Variants in MFHAS1 observed in about 807,000 individuals in gnomAD.
The protein encoded by MFHAS1 is multifunctional ROCO family signaling regulator 1.
Under a neutral mutation model 70.4 loss-of-function variants are expected in MFHAS1, and 50 were observed. The observed-to-expected ratio is 0.71, with a 90% CI of 0.57 to 0.90. The LOEUF is 0.90. Among genes scored for constraint, MFHAS1 ranks in the 40% least tolerant of loss-of-function variants. The pLI is 0.00. For missense variants in MFHAS1, 1,795 were observed against 1,347.6 expected (o/e 1.33, Z -5.20); for synonymous variants, 952 against 620.0 (o/e 1.54, Z -7.96).
intron 2 of MFHAS1, among the ~76,000 whole-genome samples, chr8:8,788,946 C>A (rs1437217784): frequency 6.6e-6 from 1 of 152,090 alleles, no homozygotes; most frequent in Non-Finnish European, 1.5e-5. Flanking sequence ...TTGTGAGCCA[C>A]GGCCAGGAGT....
At chr8:8,821,082 A>G (rs759857583) in intron 1 of MFHAS1, among the ~76,000 whole-genome samples, 5 of 152,102 alleles carry the variant, frequency 3.3e-5, no homozygotes, top group Admixed American at 6.5e-5. Context: ...AGTTCCACAT[A>G]TCTTCCCCCT....
chr8:8,812,630 G>T (rs1806591451), intron 1 of MFHAS1, among the ~76,000 whole-genome samples: 1 of 152,120 alleles, frequency 6.6e-6, no homozygotes, highest in African/African-American at 2.4e-5. Context: ...AAATGAATAT[G>T]GTTCCTGTGA....
intron 1 of MFHAS1, among the ~76,000 whole-genome samples, chr8:8,872,390 G>A (rs10098667): frequency 0.13 from 20,535 of 152,120 alleles, 1,926 homozygotes; most frequent in African/African-American, 0.25. Flanking sequence ...CTGTAAAAGG[G>A]GACGGCAGGA....
chr8:8,827,114 G>C (rs991240236), intron 1 of MFHAS1, among the ~76,000 whole-genome samples: 1 of 152,014 alleles, frequency 6.6e-6, no homozygotes, highest in African/African-American at 2.4e-5. Context: ...TTTCCATTTA[G>C]TATCCTGAAC....
intron 1 of MFHAS1, among the ~76,000 whole-genome samples, chr8:8,814,782 C>T (rs540049267): frequency 8.6e-5 from 13 of 151,070 alleles, no homozygotes; most frequent in Non-Finnish European, 1.8e-4. Context: ...AGACACTCAA[C>T]GTGATGCATA....
Position 8,891,149 on chromosome 8 carries a change from C to T in MFHAS1, c.1910G>A (p.Arg637His), listed in dbSNP as rs940833007. The T allele has an allele frequency of 6.2e-7, 1 of 1,613,640 alleles. No individual in the cohort carries two copies. The highest frequency in any genetic ancestry group is 8.5e-7 in the Non-Finnish European group (1 of 1,180,026). ...AACTGACAGCAACTTGTCCCGAAGG[C>T]GTCGTAAGTGGCGCGGGTCCCTGCA... The part of the protein sequence containing the change: ...VSCRDPRHLR[R>H]LRDKLLSVAE... The change falls in exon 1 of 3, where the codon CGC becomes CAC. Residue 637 changes from arginine to histidine, a missense_variant. Physicochemically the swap from Arg to His is conservative, Grantham distance 29. Transcript: ENST00000276282. The surrounding 1 kb of genome is among the most constrained non-coding windows in gnomAD (Gnocchi z 5.4).
intron 1 of MFHAS1, among the ~76,000 whole-genome samples, chr8:8,840,765 G>A (rs182164955): frequency 1.1e-4 from 17 of 152,232 alleles, no homozygotes; most frequent in African/African-American, 4.1e-4. Flanking sequence ...ACTTCTAGTC[G>A]AATTCTATGT....
intron 1 of MFHAS1, among the ~76,000 whole-genome samples, chr8:8,886,471 T>G (rs916012742): frequency 1.3e-5 from 2 of 152,160 alleles, no homozygotes; most frequent in African/African-American, 4.8e-5. Context: ...CGCTGCCCAT[T>G]ACTTTTCTTG....
intron 1 of MFHAS1, among the ~76,000 whole-genome samples, chr8:8,885,596 A>G (rs1261961951): frequency 6.6e-6 from 1 of 152,226 alleles, no homozygotes; most frequent in East Asian, 1.9e-4. Flanking sequence ...ACTTGCTCTA[A>G]GACAAGTATA....
intron 1 of MFHAS1, among the ~76,000 whole-genome samples, chr8:8,853,957 C>G (rs1808338691): frequency 6.6e-6 from 1 of 152,168 alleles, no homozygotes; most frequent in Non-Finnish European, 1.5e-5. Flanking sequence ...TTCCAATTCC[C>G]ATGTTGCATT....
chr8:8,786,756 G>A (rs994344632), intron 2 of MFHAS1, among the ~76,000 whole-genome samples: 15 of 150,062 alleles, frequency 1.0e-4, no homozygotes, highest in Non-Finnish European at 1.6e-4. Context: ...TGAAAGGAAA[G>A]GAAAAAGGAG....
chr8:8,882,408 A>ACAAT (rs1268003945), intron 1 of MFHAS1, among the ~76,000 whole-genome samples: 9 of 151,888 alleles, frequency 5.9e-5, no homozygotes, highest in African/African-American at 2.2e-4. Context: ...AAACAAACAA[A>ACAAT]CAAACAAAAT....
chr8:8,878,660 T>A (rs1809388596), intron 1 of MFHAS1, among the ~76,000 whole-genome samples: 1 of 148,782 alleles, frequency 6.7e-6, no homozygotes, highest in Admixed American at 6.7e-5. Context: ...AATTCCTTCT[T>A]TTCAAAAAAA....
chr8:8,878,601 C>T (rs904911491), intron 1 of MFHAS1, among the ~76,000 whole-genome samples: 22 of 150,300 alleles, frequency 1.5e-4, no homozygotes, highest in African/African-American at 4.2e-4. Flanking sequence ...GGCACCCAGG[C>T]GAAATATTTT....
intron 1 of MFHAS1, among the ~76,000 whole-genome samples, chr8:8,866,546 G>A (rs1378218089): frequency 1.3e-5 from 2 of 151,838 alleles, no homozygotes; most frequent in Admixed American, 6.6e-5. Flanking sequence ...TTCAACTCCT[G>A]GGCTCAAGCG....
chr8:8,883,483 G>A (rs1389834731), intron 1 of MFHAS1, among the ~76,000 whole-genome samples: 2 of 151,714 alleles, frequency 1.3e-5, no homozygotes, highest in African/African-American at 4.8e-5. Context: ...CAAGGTGGGT[G>A]GATCACGTGA....
Position 8,785,698 on chromosome 8 carries a change from T to C in MFHAS1, c.*324A>G, listed in dbSNP as rs1158263503. 2 of 331,448 alleles carry C rather than the reference T, an allele frequency of 6.0e-6. No homozygotes were observed. The highest frequency in any genetic ancestry group is 1.1e-5 in the Non-Finnish European group (2 of 177,620). 20.5% of individuals were successfully genotyped at this position (331,448 alleles called of 1,614,324 possible). ...CCACCTGTACTGTAACTATGGCTTA[T>C]ATGTGCACGGAAAACAAAATCCCTG... On this transcript the variant is annotated 3_prime_UTR_variant, in exon 3 of 3. Coordinates refer to ENST00000276282, the MANE Select transcript of MFHAS1 (RefSeq NM_004225.3).
At chr8:8,792,204 TC>T (rs2117247954) in intron 2 of MFHAS1, among the ~76,000 whole-genome samples, 1 of 123,470 alleles carries the variant, frequency 8.1e-6, no homozygotes, top group African/African-American at 3.5e-5. Flanking sequence ...GCCACTGTAC[TC>T]CAGCCTGGGT....
intron 1 of MFHAS1, among the ~76,000 whole-genome samples, chr8:8,858,765 C>T (rs1304061394): frequency 1.3e-5 from 2 of 152,016 alleles, no homozygotes; most frequent in Non-Finnish European, 2.9e-5. Context: ...GCACAGGTGG[C>T]GTCGAGGTGG....
Sources: gnomAD v4.1 joint callset for allele counts (sites outside exome capture counted in the v4.1 genomes callset) on GRCh38, gnomAD v4.1.1 for gene constraint, Gnocchi (gnomAD v3.1) non-coding constraint, MANE v1.5 for transcripts, NCBI Gene and HGNC (gene_info 2026-07-23, HGNC 2026-07-21) for gene names.